Variants in TNR observed in about 807,000 individuals in gnomAD.
TNR encodes tenascin R, also known as tenascin-R.
Under a neutral mutation model 150.4 loss-of-function variants are expected in TNR, and 45 were observed. The observed-to-expected ratio is 0.30, with a 90% CI of 0.24 to 0.38. TNR has a LOEUF of 0.38. Among genes scored for constraint, TNR ranks in the 10% least tolerant of loss-of-function variants. The probability of loss-of-function intolerance (pLI) is 1.00; values close to 1 mark genes in which losing one functional copy is unlikely to be tolerated. For synonymous variants in TNR, 687 were observed against 678.4 expected (o/e 1.01, Z -0.20); for missense variants, 1,544 against 1,759.1 (o/e 0.88, Z 2.19).
At chr1:175,421,346 C>T (rs144294349) in intron 2 of TNR, among the ~76,000 whole-genome samples, 1 of 152,312 alleles carries the variant, frequency 6.6e-6, no homozygotes, top group Non-Finnish European at 1.5e-5. Flanking sequence ...TTGCTTTGAT[C>T]CTAGTTTGCA....
At chr1:175,364,015 A>G (rs1651721458) in intron 12 of TNR, among the ~76,000 whole-genome samples, 188 bp from the exon 13 acceptor site, 2 of 152,264 alleles carry the variant, frequency 1.3e-5, no homozygotes, top group African/African-American at 4.8e-5. Flanking sequence ...AGGTATGACC[A>G]AAGCTATGTT....
intron 1 of TNR, among the ~76,000 whole-genome samples, chr1:175,668,925 C>G (rs1216153062): frequency 6.6e-6 from 1 of 152,190 alleles, no homozygotes; most frequent in Non-Finnish European, 1.5e-5. Flanking sequence ...TGCATAGCCC[C>G]CTGGGGTGTG....
chr1:175,339,172 C>G (rs1208917128), intron 18 of TNR, among the ~76,000 whole-genome samples: 1 of 152,182 alleles, frequency 6.6e-6, no homozygotes, highest in Non-Finnish European at 1.5e-5. Flanking sequence ...ATTGCTGGAA[C>G]TCATATTTTC....
At chr1:175,493,484 A>G (rs1221447776) in intron 2 of TNR, among the ~76,000 whole-genome samples, 3 of 152,208 alleles carry the variant, frequency 2.0e-5, no homozygotes. Flanking sequence ...TTGATGTGCT[A>G]GGAGGAGCTG....
chr1:175,612,802 T>A (rs113075408), intron 1 of TNR, among the ~76,000 whole-genome samples: 4 of 152,350 alleles, frequency 2.6e-5, no homozygotes, highest in African/African-American at 9.6e-5. Flanking sequence ...TCTGAAGATA[T>A]GTTGACTTTC....
chr1:175,329,416 T>C (rs6688599), intron 21 of TNR, among the ~76,000 whole-genome samples: 104,840 of 152,102 alleles, frequency 0.69, 36,493 homozygotes, highest in East Asian at 0.8. Flanking sequence ...GGTTGTTCTG[T>C]TTGGTAGAAA....
chr1:175,590,348 AT>A (rs1662750436), intron 1 of TNR, among the ~76,000 whole-genome samples: 1 of 152,204 alleles, frequency 6.6e-6, no homozygotes, highest in Admixed American at 6.5e-5. Context: ...ATTAATTTTG[AT>A]TTTTAAAATA....
At chr1:175,549,599 G>T (rs1408810075) in intron 1 of TNR, among the ~76,000 whole-genome samples, 1 of 152,198 alleles carries the variant, frequency 6.6e-6, no homozygotes, top group Non-Finnish European at 1.5e-5. Flanking sequence ...AGGTGGGCCT[G>T]TCCTAATCGC....
At chr1:175,510,071 A>G (rs1334820459) in intron 2 of TNR, among the ~76,000 whole-genome samples, 1 of 152,078 alleles carries the variant, frequency 6.6e-6, no homozygotes, top group Non-Finnish European at 1.5e-5. Flanking sequence ...TATAAAAAAA[A>G]TATAAAAATT....
intron 1 of TNR, among the ~76,000 whole-genome samples, chr1:175,677,161 C>T (rs778474691): frequency 2.0e-5 from 3 of 152,234 alleles, no homozygotes; most frequent in Non-Finnish European, 4.4e-5. Context: ...ATAACTGGAA[C>T]ATAACTGCAC....
intron 1 of TNR, among the ~76,000 whole-genome samples, chr1:175,533,257 T>C (rs899283417): frequency 1.3e-5 from 2 of 152,226 alleles, no homozygotes; most frequent in Admixed American, 6.5e-5. Context: ...GGAATAATAA[T>C]ATTTCTTTAC....
chr1:175,578,819 G>A (rs1180424613), intron 1 of TNR, among the ~76,000 whole-genome samples: 2 of 152,194 alleles, frequency 1.3e-5, no homozygotes, highest in Non-Finnish European at 1.5e-5. Flanking sequence ...TAGCTGTGAC[G>A]AAGGAGTACT....
intron 2 of TNR, among the ~76,000 whole-genome samples, chr1:175,442,823 G>C (rs1419467924): frequency 1.3e-5 from 2 of 151,728 alleles, no homozygotes; most frequent in African/African-American, 4.9e-5. Context: ...ACGTAGTCTT[G>C]AGACAACTCC....
chr1:175,649,262 T>A (rs1490613807), intron 1 of TNR, among the ~76,000 whole-genome samples: 4 of 152,216 alleles, frequency 2.6e-5, no homozygotes, highest in African/African-American at 9.6e-5. Context: ...CAGAAACTCT[T>A]TCCCAAGCTG....
intron 1 of TNR, among the ~76,000 whole-genome samples, chr1:175,553,551 T>G (rs1285758959): frequency 6.6e-6 from 1 of 152,230 alleles, no homozygotes; most frequent in African/African-American, 2.4e-5. Context: ...AATGCTGTCT[T>G]TGATTCTGAG....
At chr1:175,484,329 C>T (rs1198813619) in intron 2 of TNR, among the ~76,000 whole-genome samples, 1 of 152,130 alleles carries the variant, frequency 6.6e-6, no homozygotes, top group Non-Finnish European at 1.5e-5. Context: ...TACACTCCCA[C>T]TCTTCCTCTT....
intron 2 of TNR, among the ~76,000 whole-genome samples, chr1:175,413,982 A>G (rs1167672461): frequency 6.6e-6 from 1 of 152,070 alleles, no homozygotes; most frequent in Non-Finnish European, 1.5e-5. Context: ...AAATTACAAA[A>G]ATTAGCCATG....
rs147254627 is a variant in TNR at position 175,360,544 on chromosome 1, T to A, written c.2855-813A>T. ...TTCTCTTCCATCAGGTTATAATTTATCACAAGTGGATGTTATTACAACAGT... is the reference window on the plus strand; with the variant it reads ...TTCTCTTCCATCAGGTTATAATTTAACACAAGTGGATGTTATTACAACAGT... On this transcript the variant is annotated intron_variant, in intron 14 of 22. Coordinates refer to ENST00000367674, the MANE Select transcript of TNR (RefSeq NM_003285.3). 1.0e-3 allele frequency among the ~76,000 whole-genome samples: 159 copies of A among 152,334 alleles called. 1 individual carries two copies. The highest frequency in any genetic ancestry group is 3.1e-3 in the African/African-American group (129 of 41,568).
intron 18 of TNR, among the ~76,000 whole-genome samples, chr1:175,338,768 C>T (rs912762970): frequency 6.6e-6 from 1 of 152,152 alleles, no homozygotes; most frequent in Non-Finnish European, 1.5e-5. Flanking sequence ...CCAAGGATGG[C>T]AACATAGCAA....
Sources: allele counts gnomAD v4.1 joint callset (sites outside exome capture counted in the v4.1 genomes callset), GRCh38; gene constraint gnomAD v4.1.1; transcripts MANE v1.5; gene names NCBI Gene and HGNC (gene_info 2026-07-23, HGNC 2026-07-21).